Variants in SHTN1 observed in about 807,000 individuals in gnomAD.
The protein encoded by SHTN1 is shootin-1.
Under a neutral mutation model 83.1 loss-of-function variants are expected in SHTN1, and 42 were observed. The ratio of observed to expected loss-of-function variants is 0.51; its 90% confidence interval spans 0.39 to 0.65. The LOEUF (loss-of-function observed/expected upper bound fraction) is 0.65. Ranked by LOEUF, SHTN1 falls within the 30% of genes least tolerant of loss-of-function variation. The pLI, the probability that SHTN1 is intolerant of heterozygous loss-of-function variation, is 0.00. For synonymous variants in SHTN1, 224 were observed against 247.7 expected (o/e 0.90, Z 0.90); for missense variants, 622 against 737.8 (o/e 0.84, Z 1.82).
chr10:117,068,965 A>G (rs1440737530), intron 1 of SHTN1, among the ~76,000 whole-genome samples: 3 of 152,112 alleles, frequency 2.0e-5, no homozygotes, highest in Non-Finnish European at 4.4e-5. Flanking sequence ...ACAGTGAGAA[A>G]TGGATAAACT....
intron 1 of SHTN1, among the ~76,000 whole-genome samples, chr10:117,064,610 G>A (rs1390945996): frequency 2.7e-5 from 4 of 150,790 alleles, no homozygotes; most frequent in African/African-American, 4.9e-5. Flanking sequence ...AGCCGAGATC[G>A]TGCCACTGCA....
intron 2 of SHTN1, chr10:117,023,801 A>T (rs751138231): frequency 7.2e-5 from 11 of 152,664 alleles, no homozygotes; most frequent in Non-Finnish European, 5.9e-5. Context: ...ACTAAAACTG[A>T]CTAAAACTGC....
upstream of SHTN1, among the ~76,000 whole-genome samples, chr10:117,009,349 C>G (rs1490692321): frequency 1.3e-5 from 2 of 152,012 alleles, no homozygotes; most frequent in East Asian, 3.9e-4. Flanking sequence ...ATGGCTTAAA[C>G]TCTCCAAAAG....
intron 8 of SHTN1, among the ~76,000 whole-genome samples, chr10:116,940,909 C>T (rs1304687073): frequency 6.6e-6 from 1 of 152,074 alleles, no homozygotes; most frequent in Non-Finnish European, 1.5e-5. Flanking sequence ...GCTAATATTT[C>T]TCAAGAATTT....
At chr10:116,930,750 TG>T (rs1482295476) in intron 9 of SHTN1, among the ~76,000 whole-genome samples, 1 of 152,208 alleles carries the variant, frequency 6.6e-6, no homozygotes, top group African/African-American at 2.4e-5. Context: ...TATCCAATAA[TG>T]GGACTGTTGG....
intron 4 of SHTN1, among the ~76,000 whole-genome samples, chr10:116,958,559 A>G (rs1338058382): frequency 6.6e-6 from 1 of 152,200 alleles, no homozygotes; most frequent in African/African-American, 2.4e-5. Context: ...CTACATGCAC[A>G]TGCCTGGGCC....
intron 9 of SHTN1, among the ~76,000 whole-genome samples, chr10:116,939,486 T>C (rs1281425352): frequency 1.3e-5 from 2 of 152,192 alleles, no homozygotes; most frequent in South Asian, 4.1e-4. Flanking sequence ...TCACCCTTCA[T>C]GGGCTGCACT....
intron 11 of SHTN1, among the ~76,000 whole-genome samples, chr10:116,924,744 CTATTTTTTTTTTTT>C (rs1848681055): frequency 7.5e-6 from 1 of 133,668 alleles, no homozygotes; most frequent in African/African-American, 2.9e-5. Context: ...GAATTTTCAC[CTATTTTTTTTTTTT>C]TTTTTTTTTT....
At chr10:116,944,265 A>G (rs1243357301) in intron 8 of SHTN1, among the ~76,000 whole-genome samples, 1 of 152,208 alleles carries the variant, frequency 6.6e-6, no homozygotes, top group African/African-American at 2.4e-5. Flanking sequence ...CTCCAAATGC[A>G]ATTCCTTTCC....
rs150824085 is a variant in SHTN1, at chr10:117,086,866, A to G, written c.-188-38356T>C. Among the ~76,000 whole-genome samples, 212 of 152,330 alleles carry G rather than the reference A, an allele frequency of 1.4e-3. 4 individuals carry two copies. The East Asian group carries it at 0.033, about 24-fold the overall frequency. The stretch of plus-strand genomic sequence containing the variant: ...GGACACAACCCAAGTATCCATCAAT[A>G]TATGAGTGGATAAACAAAATGTGGC... On this transcript the variant is annotated intron_variant, in intron 1 of 17. Coordinates refer to the SHTN1 transcript ENST00000392901.
intron 1 of SHTN1, among the ~76,000 whole-genome samples, chr10:116,980,104 T>A (rs1050690229): frequency 4.6e-5 from 7 of 152,054 alleles, no homozygotes; most frequent in Non-Finnish European, 1.0e-4. Flanking sequence ...CCCACATTCA[T>A]CTTTAATCAA....
chr10:116,886,276 A>G lies in SHTN1; in HGVS notation c.*68T>C. 2 of 1,546,914 alleles carry G rather than the reference A, an allele frequency of 1.3e-6. No individual in the cohort carries two copies. Among genetic ancestry groups the G allele is most frequent in the Non-Finnish European group, 1.7e-6 (2 of 1,143,842 alleles). On this transcript the variant is annotated 3_prime_UTR_variant, in exon 17 of 17. Coordinates refer to ENST00000355371, the MANE Select transcript of SHTN1 (RefSeq NM_001127211.3). Reference sequence around the variant, plus strand: ...AGCAGAATGTCTACAGCCCTTGCCAATATAACAACACTAATCATGTGCTTA... The same window carrying G: ...AGCAGAATGTCTACAGCCCTTGCCAGTATAACAACACTAATCATGTGCTTA...
At chr10:117,124,999 C>T (rs1853982470) in intron 1 of SHTN1, among the ~76,000 whole-genome samples, 1 of 152,162 alleles carries the variant, frequency 6.6e-6, no homozygotes, top group Admixed American at 6.5e-5. Context: ...TCTGCCATGA[C>T]CTGCCCAGGC....
chr10:116,924,998 C>T (rs188622381), intron 11 of SHTN1, among the ~76,000 whole-genome samples: 2 of 152,062 alleles, frequency 1.3e-5, no homozygotes, highest in African/African-American at 2.4e-5. Flanking sequence ...CCTTGTGATC[C>T]GCCCGCCTCG....
intron 1 of SHTN1, among the ~76,000 whole-genome samples, chr10:117,062,875 T>C (rs888079725): frequency 1.3e-5 from 2 of 152,078 alleles, no homozygotes; most frequent in African/African-American, 4.8e-5. Flanking sequence ...AAGGCATAGG[T>C]AATTACTTAG....
At chr10:116,950,667 A>C (rs1849744550) in intron 6 of SHTN1, among the ~76,000 whole-genome samples, 1 of 152,100 alleles carries the variant, frequency 6.6e-6, no homozygotes, top group African/African-American at 2.4e-5. Context: ...ACCTCCAGAT[A>C]ATCTATTAAC....
chr10:117,032,250 C>T (rs2133573374), intron 2 of SHTN1, among the ~76,000 whole-genome samples: 1 of 152,224 alleles, frequency 6.6e-6, no homozygotes, highest in South Asian at 2.1e-4. Flanking sequence ...GTCGCCCAGG[C>T]TGGAGTGCAG....
At chr10:117,005,465 G>C (rs1015044552), upstream of SHTN1, 1 of 1,036,526 alleles carries the variant, frequency 9.6e-7, no homozygotes, top group Non-Finnish European at 1.2e-6. Context: ...CGGACTCAGG[G>C]ACGCGAGTTC....
chr10:117,036,906 C>A (rs1331551975), intron 2 of SHTN1, among the ~76,000 whole-genome samples: 4 of 152,048 alleles, frequency 2.6e-5, no homozygotes, highest in Admixed American at 2.0e-4. Context: ...AATATATATA[C>A]CTTCTATGTA....
Sources: gnomAD v4.1 joint callset for allele counts (sites outside exome capture counted in the v4.1 genomes callset) on GRCh38, gnomAD v4.1.1 for gene constraint, MANE v1.5 for transcripts, NCBI Gene and HGNC (gene_info 2026-07-23, HGNC 2026-07-21) for gene names.